The following MOBP variants were observed in gnomAD, a reference collection of about 807,000 sequenced individuals.
MOBP encodes myelin associated oligodendrocyte basic protein.
A neutral mutation model predicts 15.0 loss-of-function variants in MOBP; 5 were observed. The ratio of observed to expected loss-of-function variants is 0.33; its 90% CI spans 0.17 to 0.70. MOBP has a LOEUF of 0.70. MOBP is among the 30% of genes least tolerant of loss of function. The pLI is 0.67. For synonymous variants in MOBP, 88 were observed against 99.0 expected, an observed-to-expected ratio of 0.89 and a Z score of 0.66; for missense variants, 188 against 257.8, an observed-to-expected ratio of 0.73 and a Z score of 1.85.
rs771395743 is a variant in MOBP, at chr3:39,502,621, G to T, written c.293G>T (p.Arg98Leu). 1 of 1,556,084 alleles carries T rather than the reference G, an allele frequency of 6.4e-7. No individual in the cohort carries two copies. Among genetic ancestry groups the T allele is most frequent in the South Asian group, 1.2e-5 (1 of 85,330 alleles). ...GTGGTCAGAGCGCCAGCCAAGCCAC[G>T]GTCCCCTCCGAGGTCTGAGCGTCAG... The part of the protein sequence containing the change: ...PAVVRAPAKP[R>L]SPPRSERQPR... Residue 98 changes from arginine to leucine, a missense_variant, in exon 4 of 4, where the codon CGG (arginine) becomes CTG (leucine). Arg to Leu is a moderately radical substitution (Grantham distance 102). Around this residue, in one of 2 missense-constraint regions of MOBP, gnomAD observed 133 missense variants for 212.5 expected, o/e 0.63. Transcript: ENST00000684792. The surrounding 1 kb of genome is among the most constrained non-coding windows in gnomAD (Gnocchi z 6.3).
At chr3:39,493,057 T>C (rs910603002) in intron 2 of MOBP, among the ~76,000 whole-genome samples, 8 of 152,184 alleles carry the variant, frequency 5.3e-5, no homozygotes, top group African/African-American at 1.9e-4. Flanking sequence ...TTCTTTCCTT[T>C]CCAGAGGACT....
intron 1 of MOBP, among the ~76,000 whole-genome samples, chr3:39,473,832 G>T (rs112637160): frequency 3.3e-4 from 51 of 152,288 alleles, no homozygotes; most frequent in Admixed American, 8.5e-4. Context: ...CAAAGGAAAA[G>T]CAGCACAGGA....
At chr3:39,473,417 C>G (rs545156938) in intron 1 of MOBP, among the ~76,000 whole-genome samples, 1 of 152,198 alleles carries the variant, frequency 6.6e-6, no homozygotes, top group East Asian at 1.9e-4. Context: ...TGGGTGAGAG[C>G]CTTTATTGTG....
intron 1 of MOBP, among the ~76,000 whole-genome samples, chr3:39,479,077 C>G (rs1335770968): frequency 1.3e-5 from 2 of 152,124 alleles, no homozygotes; most frequent in African/African-American, 2.4e-5. Context: ...ATCCACCCGC[C>G]TCGGCCTCCC....
downstream of MOBP, among the ~76,000 whole-genome samples, chr3:39,504,634 C>T (rs1385495694): frequency 6.6e-6 from 1 of 152,256 alleles, no homozygotes; most frequent in African/African-American, 2.4e-5. Flanking sequence ...TTCACTTATG[C>T]ACTGTCTTGA....
chr3:39,516,945 C>CTG (rs1466365995), downstream of MOBP, among the ~76,000 whole-genome samples: 3 of 152,184 alleles, frequency 2.0e-5, no homozygotes, highest in Non-Finnish European at 4.4e-5. Context: ...ATCTAGGCTG[C>CTG]TGTGCTTACA....
downstream of MOBP, chr3:39,526,773 C>CTTTTTTTTTTTTTTT (rs5848517): frequency 9.2e-6 from 1 of 108,950 alleles, no homozygotes; most frequent in Non-Finnish European, 1.7e-5. Flanking sequence ...TCCTTCCTTC[C>CTTTTTTTTTTTTTTT]TTTTTTTTTT....
downstream of MOBP, among the ~76,000 whole-genome samples, chr3:39,506,262 G>C (rs1442445263): frequency 6.6e-6 from 1 of 152,144 alleles, no homozygotes; most frequent in Admixed American, 6.6e-5. Context: ...AAAAAGAATA[G>C]TGTAAACTCG....
At position 39,502,841 on chromosome 3, in the gene MOBP, C is replaced by T. The variant is rs2042994543; in HGVS notation, c.513C>T (p.Ser171=). Residue 171 remains serine (S), a synonymous_variant, in exon 4 of 4, where the codon AGC becomes AGT. Transcript: ENST00000684792. This position sits in a 1 kb window ranked among gnomAD's most constrained non-coding sequence, Gnocchi z 6.3. ...RSSPLRGPGA[S]RGGSPVKASR... ...GCCCCCTCAGAGGGCCAGGCGCCAG[C>T]CGTGGGGGGTCCCCCGTCAAAGCTT... 2 of 1,487,420 alleles carry T rather than the reference C, an allele frequency of 1.3e-6. No homozygotes were observed. Among genetic ancestry groups the T allele is most frequent in the African/African-American group, 1.4e-5 (1 of 71,908 alleles). The allele number at this position is 1,487,420 out of a possible 1,614,324, so 92.1% of individuals were successfully genotyped here.
chr3:39,490,172 T>G (rs2042774875), intron 2 of MOBP, among the ~76,000 whole-genome samples: 2 of 152,252 alleles, frequency 1.3e-5, no homozygotes, highest in South Asian at 2.1e-4. Flanking sequence ...TTACCACTCC[T>G]GTTTCTGGGG....
intron 2 of MOBP, among the ~76,000 whole-genome samples, chr3:39,484,537 C>T (rs1027989786): frequency 1.2e-4 from 18 of 152,044 alleles, no homozygotes; most frequent in South Asian, 1.0e-3. Flanking sequence ...GTCCCCTTGG[C>T]CTGTAGAAAA....
At chr3:39,470,257 C>G (rs775390493) in intron 1 of MOBP, among the ~76,000 whole-genome samples, 2 of 152,188 alleles carry the variant, frequency 1.3e-5, no homozygotes, top group Admixed American at 6.5e-5. Flanking sequence ...GAACTACAGA[C>G]CACACCCATA....
rs1219372719 is a variant in MOBP, at chr3:39,502,867, C to G, written c.539C>G (p.Ser180Cys). 1 of 1,351,124 alleles carries G rather than the reference C, an allele frequency of 7.4e-7. No homozygotes were observed. The highest frequency in any genetic ancestry group is 1.0e-6 in the Non-Finnish European group (1 of 995,438). The allele number at this position is 1,351,124 out of a possible 1,614,324, so 83.7% of individuals were successfully genotyped here. Reference sequence around the variant, plus strand: ...CGTGGGGGGTCCCCCGTCAAAGCTTCTAGGTTCTGGTAACACCATCTCTTC... The same window carrying G: ...CGTGGGGGGTCCCCCGTCAAAGCTTGTAGGTTCTGGTAACACCATCTCTTC... ...ASRGGSPVKA[S>C]RFW Residue 180 changes from serine (S) to cysteine (C), a missense_variant, in exon 4 of 4, where the codon TCT becomes TGT. Physicochemically the swap from Ser to Cys is moderately radical, Grantham distance 112 (BLOSUM62 -1). This residue lies in a region of MOBP where 55 missense variants were observed against 45.2 expected (regional missense o/e 1.22). Transcript: ENST00000684792. The surrounding 1 kb of genome is among the most constrained non-coding windows in gnomAD (Gnocchi z 6.3).
intron 1 of MOBP, among the ~76,000 whole-genome samples, chr3:39,469,509 C>T (rs1224167681): frequency 6.6e-6 from 1 of 151,732 alleles, no homozygotes; most frequent in African/African-American, 2.4e-5. Flanking sequence ...CATCAATTGT[C>T]CAAGGAGCGA....
exon 5 of MOBP, chr3:39,524,489 CAT>C (rs1413711177): frequency 6.6e-6 from 1 of 150,384 alleles, no homozygotes; most frequent in Non-Finnish European, 1.5e-5. Flanking sequence ...TCTCCAGGGA[CAT>C]GTGGAAAAAA....
At chr3:39,521,708 G>A (rs1313100492) in intron 3 of MOBP, among the ~76,000 whole-genome samples, 1 of 152,170 alleles carries the variant, frequency 6.6e-6, no homozygotes, top group African/African-American at 2.4e-5. Flanking sequence ...GGGTTTTACT[G>A]AGTATGTAAA....
intron 1 of MOBP, among the ~76,000 whole-genome samples, chr3:39,472,059 C>T (rs1421061441): frequency 6.6e-6 from 1 of 152,208 alleles, no homozygotes; most frequent in African/African-American, 2.4e-5. Flanking sequence ...CCTTGGGTGC[C>T]TGGTAGAGAC....
chr3:39,522,608 C>G (rs1179919000), intron 3 of MOBP, among the ~76,000 whole-genome samples: 1 of 152,194 alleles, frequency 6.6e-6, no homozygotes, highest in East Asian at 1.9e-4. Flanking sequence ...CTACAACAAA[C>G]AGACTTTGCC....
intron 2 of MOBP, among the ~76,000 whole-genome samples, chr3:39,492,367 T>G (rs2042810332): frequency 6.6e-6 from 1 of 152,068 alleles, no homozygotes; most frequent in East Asian, 1.9e-4. Context: ...TTATCCACCT[T>G]GAGAAGGAAG....
Sources: allele counts gnomAD v4.1 joint callset (sites outside exome capture counted in the v4.1 genomes callset), GRCh38; gene constraint gnomAD v4.1.1; regional missense constraint gnomAD v4.1.1; non-coding constraint Gnocchi (gnomAD v3.1); transcripts MANE v1.5; gene names NCBI Gene and HGNC (gene_info 2026-07-23, HGNC 2026-07-21).